The following TMPRSS6 variants were observed in gnomAD, a reference collection of about 807,000 sequenced individuals.
TMPRSS6 encodes transmembrane protease serine 6.
In TMPRSS6, 67 loss-of-function variants were observed where a neutral mutation model predicts 101.5. The observed-to-expected ratio is 0.66, with a 90% CI of 0.54 to 0.81. The LOEUF is 0.81. Among genes scored for constraint, TMPRSS6 ranks in the 30% least tolerant of loss-of-function variants. The pLI, the probability that TMPRSS6 is intolerant of heterozygous loss-of-function variation, is 0.00. For missense variants in TMPRSS6, 1,034 were observed against 1,088.7 expected, an observed-to-expected ratio of 0.95 and a Z score of 0.71; for synonymous variants, 453 against 464.9, an observed-to-expected ratio of 0.97 and a Z score of 0.33.
Position 37,103,116 on chromosome 22 carries a change from A to G in TMPRSS6, c.202+100T>C. The G allele has an allele frequency of 3.1e-6, 4 of 1,284,482 alleles. No homozygotes were observed. The highest frequency in any genetic ancestry group is 4.4e-6 in the Non-Finnish European group (4 of 899,128). 79.6% of individuals were successfully genotyped at this position (1,284,482 alleles called of 1,614,324 possible). ...CCCAAGGTCACACAGCAATATGCTA[A>G]GCACGGCTGAGCCTGGAACCCAGTC... is the stretch of plus-strand genomic sequence containing the variant. On this transcript the variant is annotated intron_variant, in intron 2 of 17. Transcript: ENST00000676104. The surrounding 1 kb of genome is among the most constrained non-coding windows in gnomAD (Gnocchi z 4.4).
At chr22:37,079,634 C>G (rs945227074) in intron 10 of TMPRSS6, among the ~76,000 whole-genome samples, 3 of 152,212 alleles carry the variant, frequency 2.0e-5, no homozygotes, top group African/African-American at 7.2e-5. Context: ...GAATTGGCAG[C>G]CTGGCTTTGC....
In TMPRSS6 at chr22:37,069,251, C is replaced by T. The variant is rs776089257; in HGVS notation, c.1935G>A (p.Leu645=). ...PGEVSFKVSR[L]LLHPYHEEDS... ...CCTCTTCGTGGTACGGGTGCAGGAG[C>T]AGGCGGCTCACCTTGAAGGACACCT... Residue 645 remains leucine (L), a synonymous_variant, in exon 16 of 18, where the codon CTG becomes CTA. Coordinates refer to ENST00000676104, the MANE Select transcript of TMPRSS6 (RefSeq NM_001374504.1). This position sits in a 1 kb window ranked among gnomAD's most constrained non-coding sequence, Gnocchi z 4.8. 2 of 1,610,906 alleles carry T rather than the reference C, an allele frequency of 1.2e-6. No homozygotes were observed. Among genetic ancestry groups the T allele is most frequent in the African/African-American group, 2.7e-5 (2 of 74,708 alleles).
At chr22:37,088,001 CT>C (rs1928921384) in intron 7 of TMPRSS6, among the ~76,000 whole-genome samples, 1 of 152,102 alleles carries the variant, frequency 6.6e-6, no homozygotes, top group African/African-American at 2.4e-5. Flanking sequence ...CAAATGTTGT[CT>C]GACCTGTCAT....
chr22:37,110,425 T>A (rs1026924708), upstream of TMPRSS6, among the ~76,000 whole-genome samples: 7 of 151,958 alleles, frequency 4.6e-5, no homozygotes, highest in African/African-American at 7.3e-5. Flanking sequence ...ATTACAGGCA[T>A]GAGCGACCGC....
chr22:37,077,123 C>T (rs1031638086), intron 10 of TMPRSS6, among the ~76,000 whole-genome samples: 3 of 152,212 alleles, frequency 2.0e-5, no homozygotes, highest in Non-Finnish European at 4.4e-5. Context: ...GCTATGGCAT[C>T]ACAAGGCCTC....
intron 10 of TMPRSS6, among the ~76,000 whole-genome samples, chr22:37,076,490 T>A (rs1228323607): frequency 6.6e-6 from 1 of 151,624 alleles, no homozygotes; most frequent in Non-Finnish European, 1.5e-5. Context: ...GGTGGGGGAA[T>A]CTCCAGAGAG....
At chr22:37,089,395 A>C (rs1929032769) in intron 7 of TMPRSS6, among the ~76,000 whole-genome samples, 183 bp downstream of exon 7, 1 of 151,992 alleles carries the variant, frequency 6.6e-6, no homozygotes, top group African/African-American at 2.4e-5. Context: ...AAGCGCCCCC[A>C]GTACACAACC....
At position 37,074,594 on chromosome 22, in the gene TMPRSS6, C is replaced by T. The variant is rs770196209; in HGVS notation, c.1441+16G>A. The T allele has an allele frequency of 3.5e-5, 56 of 1,607,782 alleles. 1 individual carries two copies. The highest frequency in any genetic ancestry group is 6.7e-5 in the African/African-American group (5 of 74,822). On this transcript the variant is annotated intron_variant, in intron 12 of 17. Coordinates refer to ENST00000676104, the MANE Select transcript of TMPRSS6 (RefSeq NM_001374504.1). ...GATGGGCAGGGAGAGGAGGGATGCG[C>T]GGGCGGGTTACTCACCGCAGTTTCT...
At chr22:37,100,353 C>T (rs1930201315) in intron 2 of TMPRSS6, among the ~76,000 whole-genome samples, 1 of 152,216 alleles carries the variant, frequency 6.6e-6, no homozygotes, top group South Asian at 2.1e-4. Flanking sequence ...TCTAAGGAGG[C>T]AGGGCAGAGG....
At chr22:37,098,377 C>T in intron 3 of TMPRSS6, 39 bp downstream of exon 3, 2 of 1,613,836 alleles carry the variant, frequency 1.2e-6, no homozygotes, top group Non-Finnish European at 8.5e-7. Context: ...CTTTTCACCC[C>T]CATATTCCCT....
intron 17 of TMPRSS6, 25 bp from the exon 18 acceptor site, chr22:37,066,263 C>G: frequency 6.3e-7 from 1 of 1,594,010 alleles, no homozygotes; most frequent in Non-Finnish European, 8.6e-7. Flanking sequence ...GGAGAAAGGA[C>G]TGAAGCAGGG....
At chr22:37,070,384 C>CGGGG in intron 15 of TMPRSS6, 100 bp downstream of exon 15, 1 of 1,494,588 alleles carries the variant, frequency 6.7e-7, no homozygotes, top group Non-Finnish European at 9.3e-7. Flanking sequence ...GTCCACCACC[C>CGGGG]TTCCCTCTAT....
intron 13 of TMPRSS6, among the ~76,000 whole-genome samples, chr22:37,072,233 TGATG>T (rs1244365215): frequency 8.5e-5 from 5 of 58,578 alleles, no homozygotes; most frequent in Admixed American, 2.6e-4. Flanking sequence ...GATGGATGGA[TGATG>T]GATGGATGGA....
chr22:37,098,677 T>C, intron 2 of TMPRSS6, 128 bp from the exon 3 acceptor site: 1 of 1,194,766 alleles, frequency 8.4e-7, no homozygotes, highest in South Asian at 1.2e-5. Context: ...CATGGCACCA[T>C]CAATGTCATC....
chr22:37,076,580 G>A (rs1927692619), intron 10 of TMPRSS6, among the ~76,000 whole-genome samples: 1 of 152,186 alleles, frequency 6.6e-6, no homozygotes, highest in Non-Finnish European at 1.5e-5. Flanking sequence ...TCCTCCTGCA[G>A]AGAGTCCGGT....
chr22:37,068,414 C>T (rs777626255), intron 16 of TMPRSS6, among the ~76,000 whole-genome samples: 3 of 152,248 alleles, frequency 2.0e-5, no homozygotes, highest in Non-Finnish European at 2.9e-5. Context: ...CCAACACTAA[C>T]GCTGCAGGGC....
At chr22:37,086,131 G>C in intron 8 of TMPRSS6, 152 bp downstream of exon 8, 4 of 1,000,408 alleles carry the variant, frequency 4.0e-6, no homozygotes, top group Non-Finnish European at 6.1e-6. Context: ...GGGGGCCGGG[G>C]TGGGGAGTGG....
In TMPRSS6 at chr22:37,084,311, T is replaced by C; in HGVS notation, c.1180A>G (p.Thr394Ala). 3 of 1,613,570 alleles carry C rather than the reference T, an allele frequency of 1.9e-6. No homozygotes were observed. The highest frequency in any genetic ancestry group is 2.5e-6 in the Non-Finnish European group (3 of 1,179,744). Reference sequence around the variant, plus strand: ...AAGTGGTACCTCCTGTTCTGGATCGTCCACTGGCCCTGGGTGCACGGCAAA... The same window carrying C: ...AAGTGGTACCTCCTGTTCTGGATCGCCCACTGGCCCTGGGTGCACGGCAAA... ...YDLPCTQGQW[T>A]IQNRRLCGLR... is the part of the protein sequence containing the mutation. The change falls in exon 10 of 18, where the codon ACG becomes GCG. Residue 394 changes from threonine to alanine, a missense_variant. Coordinates refer to ENST00000676104, the MANE Select transcript of TMPRSS6 (RefSeq NM_001374504.1).
intron 16 of TMPRSS6, among the ~76,000 whole-genome samples, chr22:37,068,257 A>T (rs888971689): frequency 6.6e-6 from 1 of 152,204 alleles, no homozygotes; most frequent in African/African-American, 2.4e-5. Flanking sequence ...GGAATAGTGA[A>T]TGAACCAGCC....
Sources: gnomAD v4.1 joint callset for allele counts (sites outside exome capture counted in the v4.1 genomes callset) on GRCh38, gnomAD v4.1.1 for gene constraint, Gnocchi (gnomAD v3.1) non-coding constraint, MANE v1.5 for transcripts, NCBI Gene and HGNC (gene_info 2026-07-23, HGNC 2026-07-21) for gene names.